KANK1: variants seen among roughly 807,000 people sequenced by gnomAD.
KANK1 encodes the protein KN motif and ankyrin repeat domains 1.
KANK1 carries 109 observed loss-of-function variants against 106.2 expected under a neutral mutation model. The observed-to-expected ratio is 1.03, with a 90% CI of 0.88 to 1.20. The LOEUF is 1.20. Ranked by LOEUF, KANK1 falls within the 50% of genes most tolerant of loss-of-function variation. The pLI, the probability that KANK1 is intolerant of heterozygous loss-of-function variation, is 0.00. For synonymous variants in KANK1, 873 were observed against 652.2 expected (o/e 1.34, Z -5.16); for missense variants, 2,399 against 1,710.7 (o/e 1.40, Z -7.10).
At chr9:668,788 A>G (rs1455296830) in intron 1 of KANK1, among the ~76,000 whole-genome samples, 1 of 152,152 alleles carries the variant, frequency 6.6e-6, no homozygotes, top group East Asian at 1.9e-4. Flanking sequence ...CATTTTTTCC[A>G]TAGATCAGGC....
intron 1 of KANK1, among the ~76,000 whole-genome samples, chr9:629,282 C>T (rs1043364284): frequency 6.6e-6 from 1 of 152,094 alleles, no homozygotes; most frequent in Admixed American, 6.6e-5. Flanking sequence ...CCCCCTCCCT[C>T]AGGCTGAGGC....
intron 2 of KANK1, chr9:684,058 A>T: frequency 3.6e-6 from 2 of 557,624 alleles, no homozygotes; most frequent in Non-Finnish European, 4.5e-6. Flanking sequence ...AGAACCTCAG[A>T]ATTCACCCAG....
intron 8 of KANK1, among the ~76,000 whole-genome samples, chr9:739,912 C>T (rs574535573): frequency 5.9e-5 from 9 of 152,146 alleles, no homozygotes; most frequent in South Asian, 2.1e-4. Flanking sequence ...CCTGCTTCTC[C>T]TCCACAGGGC....
intron 1 of KANK1, among the ~76,000 whole-genome samples, chr9:556,775 C>T (rs2061613064): frequency 6.6e-6 from 1 of 152,120 alleles, no homozygotes; most frequent in Admixed American, 6.6e-5. Context: ...CTTTCTTGGG[C>T]CAGACCTCCA....
chr9:598,719 C>T (rs1170972655), intron 1 of KANK1, among the ~76,000 whole-genome samples: 2 of 142,096 alleles, frequency 1.4e-5, no homozygotes, highest in African/African-American at 5.3e-5. Context: ...CAACCTCCTC[C>T]TCCTGGGTTC....
At chr9:700,233 A>G (rs1034456525) in intron 2 of KANK1, among the ~76,000 whole-genome samples, 12 of 152,294 alleles carry the variant, frequency 7.9e-5, no homozygotes, top group African/African-American at 2.6e-4. Flanking sequence ...TCTGTTATAC[A>G]TTTCCTTTAA....
intron 1 of KANK1, among the ~76,000 whole-genome samples, chr9:551,980 CAGA>C (rs1443439753): frequency 6.6e-6 from 1 of 151,962 alleles, no homozygotes; most frequent in Non-Finnish European, 1.5e-5. Context: ...CACTTGAGCT[CAGA>C]AGGTCAAGGC....
chr9:612,092 A>G (rs1718567931), intron 1 of KANK1, among the ~76,000 whole-genome samples: 1 of 152,204 alleles, frequency 6.6e-6, no homozygotes, highest in Non-Finnish European at 1.5e-5. Context: ...TTTCATTTGC[A>G]TAATGAACAC....
Position 742,240 on chromosome 9 carries a change from C to T in KANK1, c.3732C>T (p.His1244=), listed in dbSNP as rs141543079. 37 of 1,614,074 alleles carry T rather than the reference C, an allele frequency of 2.3e-5. No individual in the cohort carries two copies. Among genetic ancestry groups the T allele is most frequent in the Non-Finnish European group, 2.8e-5 (33 of 1,180,040 alleles). The change falls in exon 10 of 12, where the codon CAC becomes CAT. Residue 1244 remains histidine (H), a synonymous_variant. Coordinates refer to ENST00000382297, the MANE Select transcript of KANK1 (RefSeq NM_015158.5). ...CGGCCCTCATGCTGGCGGTCAGTCA[C>T]GGACGGATAGACATGGTGAAGGGCC... The part of the protein sequence containing the change: ...GQTALMLAVS[H]GRIDMVKGLL...
chr9:558,726 G>A (rs1344746321), intron 1 of KANK1: 1 of 151,958 alleles, frequency 6.6e-6, no homozygotes, highest in East Asian at 1.9e-4. Flanking sequence ...CCACAAAAGG[G>A]ACATTTGTTA....
intron 1 of KANK1, among the ~76,000 whole-genome samples, chr9:643,163 ACT>A (rs1350598680): frequency 6.7e-6 from 1 of 149,878 alleles, no homozygotes; most frequent in Middle Eastern, 3.2e-3. Context: ...ATGGGGAGTG[ACT>A]CTCATTCATC....
At chr9:564,439 G>T (rs1817309248) in intron 1 of KANK1, among the ~76,000 whole-genome samples, 1 of 152,250 alleles carries the variant, frequency 6.6e-6, no homozygotes, top group Non-Finnish European at 1.5e-5. Context: ...AAAACAATCT[G>T]AACATGTGTC....
intron 1 of KANK1, among the ~76,000 whole-genome samples, chr9:538,142 G>A: frequency 6.6e-6 from 1 of 151,496 alleles, no homozygotes; most frequent in East Asian, 1.9e-4. Flanking sequence ...AAGAACACAA[G>A]CTCTGGACTT....
At chr9:692,393 TA>T (rs1407536800) in intron 2 of KANK1, among the ~76,000 whole-genome samples, 1 of 151,918 alleles carries the variant, frequency 6.6e-6, no homozygotes, top group Non-Finnish European at 1.5e-5. Flanking sequence ...AATAACAAAC[TA>T]AAAACAAAGT....
chr9:693,879 G>A, intron 2 of KANK1: 1 of 929,362 alleles, frequency 1.1e-6, no homozygotes. Flanking sequence ...TGTGTGTTGT[G>A]AAAAAGATTT....
chr9:514,925 T>G (rs1229913582), intron 1 of KANK1, among the ~76,000 whole-genome samples: 2 of 151,828 alleles, frequency 1.3e-5, no homozygotes, highest in Non-Finnish European at 2.9e-5. Flanking sequence ...TGCTTGTTAT[T>G]GTCTGTTGTC....
intron 1 of KANK1, among the ~76,000 whole-genome samples, chr9:618,501 C>G (rs992314570): frequency 1.1e-4 from 17 of 152,132 alleles, no homozygotes; most frequent in African/African-American, 4.1e-4. Context: ...AGCTACCATG[C>G]CTGGCCCCAG....
In KANK1 at chr9:673,010, C is replaced by T. The variant is rs77763629; in HGVS notation, c.-83-3880C>T. On this transcript the variant is annotated intron_variant, in intron 1 of 11. Transcript: ENST00000382297. Reference sequence around the variant, plus strand: ...TATTGATCTGTAACACAGGAATGGACTGTGGCCAAACCTTTTCTGGTTTAT... The same window carrying T: ...TATTGATCTGTAACACAGGAATGGATTGTGGCCAAACCTTTTCTGGTTTAT... Among the ~76,000 whole-genome samples the T allele has an allele frequency of 5.2e-3, 789 of 152,258 alleles. 4 individuals carry two copies. The highest frequency in any genetic ancestry group is 0.018 in the African/African-American group (747 of 41,536).
At chr9:554,591 A>G (rs2061471955) in intron 1 of KANK1, among the ~76,000 whole-genome samples, 1 of 152,244 alleles carries the variant, frequency 6.6e-6, no homozygotes, top group South Asian at 2.1e-4. Context: ...AAACAGAACT[A>G]ACATCACAAC....
Sources: gnomAD v4.1 joint callset for allele counts (sites outside exome capture counted in the v4.1 genomes callset) on GRCh38, gnomAD v4.1.1 for gene constraint, MANE v1.5 for transcripts, NCBI Gene and HGNC (gene_info 2026-07-23, HGNC 2026-07-21) for gene names.